The following DNAJC15 variants were observed in gnomAD, a reference collection of about 807,000 sequenced individuals.
The protein encoded by DNAJC15 is dnaJ homolog subfamily C member 15.
In DNAJC15, 27 loss-of-function variants were observed where a neutral mutation model predicts 22.4. The observed-to-expected ratio is 1.20, with a 90% CI of 0.89 to 1.66. The LOEUF is 1.66. DNAJC15 is among the 40% of genes most tolerant of loss of function. DNAJC15 has a pLI of 0.00. For synonymous variants in DNAJC15, 79 were observed against 63.2 expected (o/e 1.25, Z -1.19); for missense variants, 208 against 187.1 (o/e 1.11, Z -0.65).
At chr13:43,044,748 A>G (rs1222447230) in intron 1 of DNAJC15, among the ~76,000 whole-genome samples, 1 of 150,632 alleles carries the variant, frequency 6.6e-6, no homozygotes, top group East Asian at 1.9e-4. Context: ...CAAAACCTTG[A>G]CTCCATATCC....
At chr13:43,053,139 C>A (rs190596041) in intron 1 of DNAJC15, among the ~76,000 whole-genome samples, 1 of 152,172 alleles carries the variant, frequency 6.6e-6, no homozygotes, top group African/African-American at 2.4e-5. Flanking sequence ...GTTATCTCAG[C>A]ACCATTTGTT....
chr13:43,090,325 T>A (rs774039758), intron 5 of DNAJC15, among the ~76,000 whole-genome samples: 6 of 152,270 alleles, frequency 3.9e-5, no homozygotes, highest in Non-Finnish European at 7.3e-5. Flanking sequence ...TGTGATCAGC[T>A]GAAACTATCT....
chr13:43,040,145 T>A (rs1253716987), intron 1 of DNAJC15, among the ~76,000 whole-genome samples: 1 of 152,186 alleles, frequency 6.6e-6, no homozygotes, highest in Non-Finnish European at 1.5e-5. Flanking sequence ...AGACTGAACC[T>A]TTGAGAGCAG....
chr13:43,088,640 G>A (rs1051748513), intron 5 of DNAJC15, among the ~76,000 whole-genome samples: 2 of 152,110 alleles, frequency 1.3e-5, no homozygotes, highest in Non-Finnish European at 2.9e-5. Flanking sequence ...ACAAGTCAAA[G>A]TAATTATACT....
At chr13:43,024,341 T>G (rs1041357576) in intron 1 of DNAJC15, among the ~76,000 whole-genome samples, 1 of 72,680 alleles carries the variant, frequency 1.4e-5, no homozygotes, top group Non-Finnish European at 2.8e-5. Context: ...TTTTACGTTT[T>G]TTTTTTTTTT....
chr13:43,099,405 C>T (rs2040756272), intron 5 of DNAJC15, among the ~76,000 whole-genome samples: 1 of 152,104 alleles, frequency 6.6e-6, no homozygotes, highest in Non-Finnish European at 1.5e-5. Flanking sequence ...CTGGCTTGAA[C>T]CTCCATTACA....
chr13:43,050,817 G>C (rs1248316500), intron 1 of DNAJC15, among the ~76,000 whole-genome samples: 1 of 152,114 alleles, frequency 6.6e-6, no homozygotes, highest in Non-Finnish European at 1.5e-5. Context: ...TTTAATTCCA[G>C]TAAATAAATG....
At position 43,109,035 on chromosome 13, in the gene DNAJC15, A is replaced by G. The variant is rs988302887; in HGVS notation, c.*1787A>G. ...CAAAGTCTAGGCATAGCTGAAGGCC[A>G]AGCTAAAATGTATCCCTCTTTTTCT... On this transcript the variant is annotated 3_prime_UTR_variant, in exon 6 of 6. Transcript: ENST00000379221. 3 of 152,214 alleles carry G rather than the reference A, an allele frequency of 2.0e-5. No homozygotes were observed. Among genetic ancestry groups the G allele is most frequent in the African/African-American group, 7.2e-5 (3 of 41,454 alleles). The allele number at this position is 152,214 out of a possible 1,614,324, so 9.4% of individuals were successfully genotyped here.
intron 4 of DNAJC15, among the ~76,000 whole-genome samples, chr13:43,081,056 T>C (rs1218815566): frequency 6.6e-6 from 1 of 152,246 alleles, no homozygotes; most frequent in Non-Finnish European, 1.5e-5. Context: ...TTCTAGATGA[T>C]ACTATACATT....
chr13:43,041,974 A>G (rs1222236687), intron 1 of DNAJC15, among the ~76,000 whole-genome samples: 1 of 152,172 alleles, frequency 6.6e-6, no homozygotes, highest in Non-Finnish European at 1.5e-5. Flanking sequence ...GGTGATATTT[A>G]AATAGGTAAG....
intron 5 of DNAJC15, among the ~76,000 whole-genome samples, chr13:43,088,819 G>A (rs966417065): frequency 6.9e-6 from 1 of 144,648 alleles, no homozygotes; most frequent in African/African-American, 2.6e-5. Context: ...ACTAAGAAAA[G>A]GTGATGCCTA....
chr13:43,087,256 A>C (rs1374258760), intron 5 of DNAJC15, among the ~76,000 whole-genome samples: 1 of 152,160 alleles, frequency 6.6e-6, no homozygotes, highest in Non-Finnish European at 1.5e-5. Context: ...TCATTCACCC[A>C]AAATTTATAA....
chr13:43,083,685 T>C (rs895415877), intron 4 of DNAJC15, among the ~76,000 whole-genome samples: 2 of 152,230 alleles, frequency 1.3e-5, no homozygotes, highest in African/African-American at 4.8e-5. Flanking sequence ...TTTTTCAGTG[T>C]AATTTTTTTT....
chr13:43,075,885 A>G (rs1260301523), intron 3 of DNAJC15, among the ~76,000 whole-genome samples: 3 of 151,902 alleles, frequency 2.0e-5, no homozygotes, highest in South Asian at 2.1e-4. Flanking sequence ...GCTGGTCTCT[A>G]ACTGACCTGA....
At chr13:43,055,479 C>G (rs1566205608) in intron 1 of DNAJC15, among the ~76,000 whole-genome samples, 2 of 152,160 alleles carry the variant, frequency 1.3e-5, no homozygotes, top group African/African-American at 2.4e-5. Context: ...GCTCCAAACT[C>G]AAGTCTGTGT....
At chr13:43,073,774 T>C (rs1375668643) in intron 3 of DNAJC15, among the ~76,000 whole-genome samples, 1 of 152,106 alleles carries the variant, frequency 6.6e-6, no homozygotes, top group Non-Finnish European at 1.5e-5. Flanking sequence ...TTACAGTGTC[T>C]TTACTCATTT....
At position 43,025,119 on chromosome 13, in the gene DNAJC15, G is replaced by T. The variant is rs117354978; in HGVS notation, c.108+1385G>T. 5.8e-3 allele frequency among the ~76,000 whole-genome samples: 878 copies of T among 152,108 alleles called. 4 individuals carry two copies. Among genetic ancestry groups the T allele is most frequent in the Non-Finnish European group, 8.6e-3 (588 of 67,994 alleles). ...AGAAAGTTTTAAGTAACTGGTCCAG[G>T]ATCATCCCTGGTAAGTGGCAGATCT... On this transcript the variant is annotated intron_variant, in intron 1 of 5. Transcript: ENST00000379221.
At chr13:43,065,536 G>GACACTGCATATTTTTTTA in intron 1 of DNAJC15, 150 bp from the exon 2 acceptor site, 2 of 606,202 alleles carry the variant, frequency 3.3e-6, no homozygotes, top group South Asian at 4.2e-5. Context: ...TAATCCCATA[G>GACACTGCATATTTTTTTA]ACACTGCATA....
chr13:43,102,867 G>T (rs2040776786), intron 5 of DNAJC15, among the ~76,000 whole-genome samples: 1 of 151,908 alleles, frequency 6.6e-6, no homozygotes, highest in South Asian at 2.1e-4. Context: ...AGAGTTTAAA[G>T]TGTTTTCTTT....
Sources: gnomAD v4.1 joint callset for allele counts (sites outside exome capture counted in the v4.1 genomes callset) on GRCh38, gnomAD v4.1.1 for gene constraint, MANE v1.5 for transcripts, NCBI Gene and HGNC (gene_info 2026-07-23, HGNC 2026-07-21) for gene names.